The following SDK1 variants were observed in gnomAD, a reference collection of about 807,000 sequenced individuals.
SDK1 encodes protein sidekick-1.
SDK1 carries 157 observed loss-of-function variants against 245.5 expected under a neutral mutation model. That is an observed-to-expected ratio of 0.64 (90% CI 0.56 to 0.73). The LOEUF is 0.73. Among genes scored for constraint, SDK1 ranks in the 30% least tolerant of loss-of-function variants. The pLI, the probability that SDK1 is intolerant of heterozygous loss-of-function variation, is 0.00. For synonymous variants in SDK1, 1,647 were observed against 1,278.5 expected (o/e 1.29, Z -6.15); for missense variants, 3,583 against 3,002.3 (o/e 1.19, Z -4.52).
intron 4 of SDK1, chr7:3,643,482 C>A (rs771477469): frequency 6.8e-6 from 1 of 147,792 alleles, no homozygotes; most frequent in Admixed American, 6.8e-5. Context: ...ATTCTCCTCT[C>A]CCACTCCCAC....
intron 5 of SDK1, among the ~76,000 whole-genome samples, chr7:3,893,368 G>C (rs1291768843): frequency 6.6e-6 from 1 of 152,112 alleles, no homozygotes; most frequent in South Asian, 2.1e-4. Flanking sequence ...CCCGCGGTTG[G>C]CTTGCTATGC....
intron 4 of SDK1, among the ~76,000 whole-genome samples, chr7:3,688,804 G>T (rs1414644278): frequency 6.6e-6 from 1 of 152,188 alleles, no homozygotes; most frequent in Non-Finnish European, 1.5e-5. Flanking sequence ...TTTGGATCCT[G>T]CCTCCATTCT....
chr7:3,681,217 G>C lies in SDK1; in HGVS notation c.713+39112G>C, dbSNP rs185849938. Reference sequence around the variant, plus strand: ...CTATAGTTTAGTTTTTTGACTTTATGTAAATGAAATCTGACTGTGTGAATC... The same window carrying C: ...CTATAGTTTAGTTTTTTGACTTTATCTAAATGAAATCTGACTGTGTGAATC... On this transcript the variant is annotated intron_variant, in intron 4 of 44. Coordinates refer to ENST00000404826, the MANE Select transcript of SDK1 (RefSeq NM_152744.4). Among the ~76,000 whole-genome samples, 306 of 152,138 alleles carry C rather than the reference G, an allele frequency of 2.0e-3. 2 individuals carry two copies. The highest frequency in any genetic ancestry group is 7.1e-3 in the African/African-American group (293 of 41,478).
intron 5 of SDK1, among the ~76,000 whole-genome samples, chr7:3,831,218 C>G (rs1779905010): frequency 6.6e-6 from 1 of 152,140 alleles, no homozygotes; most frequent in African/African-American, 2.4e-5. Context: ...GAACAAGTTG[C>G]TAGTTGTAAA....
At chr7:3,421,639 C>T (rs1463101237) in intron 1 of SDK1, among the ~76,000 whole-genome samples, 7 of 152,100 alleles carry the variant, frequency 4.6e-5, no homozygotes, top group Non-Finnish European at 8.8e-5. Flanking sequence ...TTCTACATTG[C>T]GTGAGCGTCT....
chr7:3,612,636 C>T (rs571865864), intron 1 of SDK1, among the ~76,000 whole-genome samples: 1 of 152,192 alleles, frequency 6.6e-6, no homozygotes, highest in African/African-American at 2.4e-5. Flanking sequence ...AATTCATAAG[C>T]TTGGGGCATG....
chr7:3,956,621 C>T lies in SDK1; in HGVS notation c.1151-2310C>T, dbSNP rs373370469. Among the ~76,000 whole-genome samples the T allele has an allele frequency of 2.0e-5, 3 of 152,310 alleles. No individual in the cohort carries two copies. The East Asian group carries it at 5.8e-4, about 29-fold the overall frequency. On this transcript the variant is annotated intron_variant, in intron 7 of 44. Transcript: ENST00000404826. Reference sequence around the variant, plus strand: ...CCTAGCACTGAGCTACTAAAACTGCCCAGGACATTGGCCCCTGCAGGCGGT... The same window carrying T: ...CCTAGCACTGAGCTACTAAAACTGCTCAGGACATTGGCCCCTGCAGGCGGT...
intron 1 of SDK1, among the ~76,000 whole-genome samples, chr7:3,481,153 T>TC (rs1781509952): frequency 6.6e-6 from 1 of 152,130 alleles, no homozygotes; most frequent in Admixed American, 6.5e-5. Flanking sequence ...CTATTTTACT[T>TC]AAAAAATTTT....
At chr7:3,371,489 A>G (rs999615081) in intron 1 of SDK1, among the ~76,000 whole-genome samples, 2 of 152,124 alleles carry the variant, frequency 1.3e-5, no homozygotes, top group African/African-American at 2.4e-5. Flanking sequence ...AAAAGAAGAA[A>G]CCAGGGGGCC....
chr7:3,387,386 C>T (rs1781636577), intron 1 of SDK1, among the ~76,000 whole-genome samples: 1 of 152,182 alleles, frequency 6.6e-6, no homozygotes, highest in Non-Finnish European at 1.5e-5. Context: ...CTTGTAGGAG[C>T]TCACCCTGAT....
chr7:3,415,322 C>T (rs1343186815), intron 1 of SDK1, among the ~76,000 whole-genome samples: 6 of 151,972 alleles, frequency 3.9e-5, no homozygotes, highest in Admixed American at 2.0e-4. Context: ...GTAAACAAAA[C>T]GTGTAATACT....
Position 3,974,534 on chromosome 7 carries a change from G to C in SDK1, c.1983G>C (p.Arg661=). Residue 661 remains arginine, a synonymous_variant, in exon 13 of 45, where the codon CGG becomes CGC. Coordinates refer to ENST00000404826, the MANE Select transcript of SDK1 (RefSeq NM_152744.4). ...GAGGGAATGACTCCAGGATGGCCCGGCTGGAAGTGATGTGAGTACTGAGAC... is the reference window on the plus strand; with the variant it reads ...GAGGGAATGACTCCAGGATGGCCCGCCTGGAAGTGATGTGAGTACTGAGAC... The part of the protein sequence containing the change: ...SEGGNDSRMA[R]LEVIELPHSP... The C allele has an allele frequency of 6.2e-7, 1 of 1,614,092 alleles. No individual in the cohort carries two copies. The highest frequency in any genetic ancestry group is 2.2e-5 in the East Asian group (1 of 44,872).
intron 5 of SDK1, among the ~76,000 whole-genome samples, chr7:3,838,799 G>T (rs1035407477): frequency 5.3e-5 from 8 of 152,100 alleles, no homozygotes; most frequent in African/African-American, 1.7e-4. Flanking sequence ...CAAAATGTTT[G>T]CACTCTTGTC....
At chr7:4,102,854 G>A (rs1477964256) in intron 22 of SDK1, among the ~76,000 whole-genome samples, 1 of 151,810 alleles carries the variant, frequency 6.6e-6, no homozygotes, top group Admixed American at 6.6e-5. Flanking sequence ...CCCCTAATGG[G>A]CCTGAAGGAC....
intron 13 of SDK1, among the ~76,000 whole-genome samples, chr7:3,985,114 C>T (rs1268778662): frequency 6.6e-6 from 1 of 152,142 alleles, no homozygotes; most frequent in Non-Finnish European, 1.5e-5. Context: ...CTGGCCTTCC[C>T]AGCATGGCCA....
intron 1 of SDK1, among the ~76,000 whole-genome samples, chr7:3,468,964 T>G (rs564978445): frequency 6.6e-6 from 1 of 152,318 alleles, no homozygotes; most frequent in East Asian, 1.9e-4. Flanking sequence ...TTTAGGTATT[T>G]CCCTAATTGC....
intron 1 of SDK1, among the ~76,000 whole-genome samples, chr7:3,465,386 A>G (rs922113593): frequency 5.9e-5 from 9 of 152,258 alleles, no homozygotes; most frequent in African/African-American, 2.2e-4. Context: ...AAATAGGCAT[A>G]TGAAACATAA....
In SDK1 at chr7:3,367,503, A is replaced by G. The variant is rs180978523; in HGVS notation, c.298+65619A>G. Reference sequence around the variant, plus strand: ...AAAACCACAGAGTGCCATTCCCGGCATTTCATCTATCCCATACTTGTCATT... The same window carrying G: ...AAAACCACAGAGTGCCATTCCCGGCGTTTCATCTATCCCATACTTGTCATT... On this transcript the variant is annotated intron_variant, in intron 1 of 44. Transcript: ENST00000404826. Among the ~76,000 whole-genome samples, 469 of 152,312 alleles carry G rather than the reference A, an allele frequency of 3.1e-3. 1 individual carries two copies. The highest frequency in any genetic ancestry group is 0.011 in the African/African-American group (441 of 41,556).
intron 22 of SDK1, among the ~76,000 whole-genome samples, chr7:4,088,652 A>G (rs1015921552): frequency 2.6e-5 from 4 of 151,948 alleles, no homozygotes; most frequent in Admixed American, 2.0e-4. Context: ...ATCTGTTGGT[A>G]AGGTGGTTCA....
Sources: allele counts gnomAD v4.1 joint callset (sites outside exome capture counted in the v4.1 genomes callset), GRCh38; gene constraint gnomAD v4.1.1; transcripts MANE v1.5; gene names NCBI Gene and HGNC (gene_info 2026-07-23, HGNC 2026-07-21).